The following USP44 variants were observed in gnomAD, a reference collection of about 807,000 sequenced individuals.
USP44 encodes ubiquitin carboxyl-terminal hydrolase 44.
USP44 carries 61 observed loss-of-function variants against 69.0 expected under a neutral mutation model. That is an observed-to-expected ratio of 0.88 (90% CI 0.72 to 1.09). The LOEUF (loss-of-function observed/expected upper bound fraction) is 1.09, where lower values mean the gene tolerates loss of function less well. Ranked by LOEUF, USP44 falls within the 50% of genes least tolerant of loss-of-function variation. USP44 has a pLI of 0.00. For missense variants in USP44, 753 were observed against 849.9 expected (o/e 0.89, Z 1.42); for synonymous variants, 297 against 295.4 (o/e 1.01, Z -0.06).
At chr12:95,532,167 GTT>G (rs1272256143) in intron 2 of USP44, among the ~76,000 whole-genome samples, 10,865 of 126,468 alleles carry the variant, frequency 0.086, 433 homozygotes, top group Non-Finnish European at 0.12. Flanking sequence ...CTTTCTTTGG[GTT>G]TTTTTTTTTT....
At chr12:95,519,778 G>A (rs1439740461) in intron 5 of USP44, among the ~76,000 whole-genome samples, 4 of 150,498 alleles carry the variant, frequency 2.7e-5, no homozygotes, top group African/African-American at 9.7e-5. Flanking sequence ...GGTGGCTCAC[G>A]CCTGTAAACC....
chr12:95,528,294 G>T (rs941416237), intron 3 of USP44, among the ~76,000 whole-genome samples: 1 of 152,186 alleles, frequency 6.6e-6, no homozygotes, highest in African/African-American at 2.4e-5. Context: ...TCTATCTATA[G>T]ACACTGGGAA....
In USP44 at chr12:95,524,751, G is replaced by A; in HGVS notation, c.1662C>T (p.Leu554=). The A allele has an allele frequency of 1.9e-6, 3 of 1,612,508 alleles. No individual in the cohort carries two copies. The highest frequency in any genetic ancestry group is 1.7e-6 in the Non-Finnish European group (2 of 1,179,540). The part of the protein sequence containing the change: ...RRRFSSKPVV[L]TEAQKQLMIC... ...TCATAAGTTGTTTCTGGGCTTCTGT[G>A]AGTACAACTGGTTTGGAGGAAAACC... Residue 554 remains leucine (L), a synonymous_variant, in exon 4 of 6, where the codon CTC becomes CTT. Coordinates refer to ENST00000258499, the MANE Select transcript of USP44 (RefSeq NM_032147.5).
At chr12:95,542,433 A>T (rs2077419365) in intron 1 of USP44, among the ~76,000 whole-genome samples, 1 of 152,172 alleles carries the variant, frequency 6.6e-6, no homozygotes, top group African/African-American at 2.4e-5. Context: ...ACCAACTAGC[A>T]TTAACTGCAG....
rs1022936499 is a variant in USP44, at chr12:95,526,295, G to A, written c.1625-1507C>T. Reference sequence around the variant, plus strand: ...ATTTTTTAAAAAAACCTTATAGGCCGGGCGCGGTGGCTCGCGCCTGTAATC... The same window carrying A: ...ATTTTTTAAAAAAACCTTATAGGCCAGGCGCGGTGGCTCGCGCCTGTAATC... On this transcript the variant is annotated intron_variant, in intron 3 of 5. Transcript: ENST00000258499. 3.9e-5 allele frequency among the ~76,000 whole-genome samples: 6 copies of A among 152,172 alleles called. No individual in the cohort carries two copies. In the East Asian group the frequency reaches 5.8e-4, roughly 15 times the overall value.
At chr12:95,549,759 G>A (rs2077689122) in intron 1 of USP44, among the ~76,000 whole-genome samples, 1 of 152,184 alleles carries the variant, frequency 6.6e-6, no homozygotes, top group Admixed American at 6.5e-5. Context: ...TGGGGAGTAT[G>A]TTTCAGTGGT....
chr12:95,521,754 TG>T (rs1448433054), intron 4 of USP44, among the ~76,000 whole-genome samples: 25 of 152,334 alleles, frequency 1.6e-4, no homozygotes, highest in African/African-American at 5.8e-4. Flanking sequence ...TCCAAAGCGC[TG>T]GGATTACAGG....
At chr12:95,550,503 T>C (rs2077706287) in intron 1 of USP44, among the ~76,000 whole-genome samples, 1 of 152,218 alleles carries the variant, frequency 6.6e-6, no homozygotes, top group Non-Finnish European at 1.5e-5. Flanking sequence ...CCTGAATTTC[T>C]CAAATGCATT....
At chr12:95,543,101 A>AG (rs1457022595) in intron 1 of USP44, among the ~76,000 whole-genome samples, 19 of 76,946 alleles carry the variant, frequency 2.5e-4, no homozygotes, top group African/African-American at 7.3e-4. Context: ...AAAAAAAAAG[A>AG]AAGAAAATAG....
At chr12:95,537,400 C>A (rs771791289) in intron 1 of USP44, among the ~76,000 whole-genome samples, 3 of 152,114 alleles carry the variant, frequency 2.0e-5, no homozygotes, top group African/African-American at 2.4e-5. Context: ...CTCACTGCAA[C>A]CTCCACCTCC....
In USP44 at chr12:95,528,752, G is replaced by T. The variant is rs1041496464; in HGVS notation, c.1624+55C>A. On this transcript the variant is annotated intron_variant, in intron 3 of 5. Coordinates refer to ENST00000258499, the MANE Select transcript of USP44 (RefSeq NM_032147.5). ...GATTTCTTTCAGCTTCCTCTCATCT[G>T]CGTTTCTCTTTATCATTCCTAGGAA... The T allele has an allele frequency of 3.3e-6, 5 of 1,513,402 alleles. No homozygotes were observed. In the African/African-American group the frequency reaches 7.0e-5, roughly 21 times the overall value. 93.7% of individuals were successfully genotyped at this position (1,513,402 alleles called of 1,614,324 possible). A position where few individuals can be genotyped will look rare whatever the true frequency, so the allele number is the denominator to read the frequency against.
At chr12:95,530,924 G>A (rs1020688681) in intron 2 of USP44, among the ~76,000 whole-genome samples, 16 of 152,170 alleles carry the variant, frequency 1.1e-4, no homozygotes, top group Non-Finnish European at 2.4e-4. Context: ...CAGCACTTTG[G>A]GAGGCCGAGG....
rs186588080 is a variant in USP44 at position 95,531,385 on chromosome 12, A to G, written c.1428+1444T>C. Among the ~76,000 whole-genome samples, 184 of 152,264 alleles carry G rather than the reference A, an allele frequency of 1.2e-3. 4 individuals are homozygous for G. Among genetic ancestry groups the G allele is most frequent in the Middle Eastern group, 0.01 (3 of 294 alleles). On this transcript the variant is annotated intron_variant, in intron 2 of 5. Transcript: ENST00000258499. ...ATTTATACATGTGCAGGAGAAAAAAAGACTAGAAAATATACCAAAATATAA... is the reference window on the plus strand; with the variant it reads ...ATTTATACATGTGCAGGAGAAAAAAGGACTAGAAAATATACCAAAATATAA...
intron 2 of USP44, among the ~76,000 whole-genome samples, chr12:95,531,378 G>GA (rs1214421978): frequency 3.3e-5 from 5 of 151,858 alleles, no homozygotes; most frequent in Non-Finnish European, 7.4e-5. Context: ...ATGTGCAGGA[G>GA]AAAAAAAGAC....
At chr12:95,549,128 C>T (rs972142132) in intron 1 of USP44, among the ~76,000 whole-genome samples, 1 of 152,236 alleles carries the variant, frequency 6.6e-6, no homozygotes, top group Non-Finnish European at 1.5e-5. Flanking sequence ...CATCCACGGA[C>T]GTCGTTAGTC....
chr12:95,518,359 G>A lies in USP44; in HGVS notation c.1940-6C>T. 1.2e-6 allele frequency: 2 copies of A among 1,613,740 alleles called. No homozygotes were observed. Among genetic ancestry groups the A allele is most frequent in the Admixed American group, 1.7e-5 (1 of 59,982 alleles). ...ATTGCAGTGTACCCAGAACCCTAGA[G>A]TGAAGCACAGAAATACATTTATGAA... On this transcript the variant is annotated splice_region_variant and splice_polypyrimidine_tract_variant and intron_variant, in intron 5 of 5. Transcript: ENST00000258499.
chr12:95,533,767 T>G lies in USP44; in HGVS notation c.490A>C (p.Thr164Pro), dbSNP rs574321936. Reference sequence around the variant, plus strand: ...CCAATGGGTGATTGTTCAAACCATGTTCGAAAGATTTTACCCATTAGTATC... The same window carrying G: ...CCAATGGGTGATTGTTCAAACCATGGTCGAAAGATTTTACCCATTAGTATC... ...RRILMGKIFR[T>P]WFEQSPIGRK... Residue 164 changes from threonine (T) to proline (P), a missense_variant, in exon 2 of 6, where the codon ACA (threonine) becomes CCA (proline). Coordinates refer to ENST00000258499, the MANE Select transcript of USP44 (RefSeq NM_032147.5). 1 of 1,614,206 alleles carries G rather than the reference T, an allele frequency of 6.2e-7. No homozygotes were observed. The highest frequency in any genetic ancestry group is 8.5e-7 in the Non-Finnish European group (1 of 1,180,034).
intron 1 of USP44, among the ~76,000 whole-genome samples, chr12:95,539,237 T>TC (rs1355304335): frequency 6.6e-6 from 1 of 151,836 alleles, no homozygotes; most frequent in Non-Finnish European, 1.5e-5. Context: ...TTTTTGTTTT[T>TC]TTTTTTGAGA....
At chr12:95,540,945 A>T (rs2077366630) in intron 1 of USP44, among the ~76,000 whole-genome samples, 1 of 152,198 alleles carries the variant, frequency 6.6e-6, no homozygotes, top group Non-Finnish European at 1.5e-5. Flanking sequence ...GAGAGGAAAA[A>T]AAATTCCCCC....
Sources: gnomAD v4.1 joint callset for allele counts (sites outside exome capture counted in the v4.1 genomes callset) on GRCh38, gnomAD v4.1.1 for gene constraint, MANE v1.5 for transcripts, NCBI Gene and HGNC (gene_info 2026-07-23, HGNC 2026-07-21) for gene names.